Variants in FLI1 observed in about 807,000 individuals in gnomAD.
The protein encoded by FLI1 is Friend leukemia integration 1 transcription factor.
In FLI1, 13 loss-of-function variants were observed where a neutral mutation model predicts 53.1. The ratio of observed to expected loss-of-function variants is 0.24; its 90% CI spans 0.16 to 0.39. The LOEUF (loss-of-function observed/expected upper bound fraction) is 0.39, where lower values mean the gene tolerates loss of function less well. Among genes scored for constraint, FLI1 ranks in the 10% least tolerant of loss-of-function variants. The pLI is 1.00. For synonymous variants in FLI1, 244 were observed against 236.7 expected (o/e 1.03, Z -0.28); for missense variants, 424 against 600.5 (o/e 0.71, Z 3.07).
At chr11:128,770,020 T>G (rs644589) in intron 3 of FLI1, among the ~76,000 whole-genome samples, 116,731 of 152,104 alleles carry the variant, frequency 0.77, 45,594 homozygotes, top group Admixed American at 0.86. Flanking sequence ...GAAAGCTTGC[T>G]GGACTGAAGG....
chr11:128,776,008 G>C (rs1363000119), intron 4 of FLI1, among the ~76,000 whole-genome samples: 1 of 152,166 alleles, frequency 6.6e-6, no homozygotes, highest in Non-Finnish European at 1.5e-5. Flanking sequence ...AGAAAGTCTA[G>C]AAAAAGGAAA....
At chr11:128,744,101 G>A (rs1015898059) in intron 1 of FLI1, among the ~76,000 whole-genome samples, 8 of 152,310 alleles carry the variant, frequency 5.3e-5, no homozygotes, top group African/African-American at 1.7e-4. Context: ...ATTCCCTTTA[G>A]AAGGGAGAGC....
chr11:128,694,204 C>A lies in FLI1; in HGVS notation c.-55C>A. ...AATCCGAAGGGGCTGCGAGGTCAGG[C>A]TGTAACCGGGTCAATGTGTGGAATA... On this transcript the variant is annotated 5_prime_UTR_variant, in exon 1 of 9. In the 5' UTR this introduces an upstream ATG that the reference lacks. Transcript: ENST00000527786. 1 of 1,522,460 alleles carries A rather than the reference C, an allele frequency of 6.6e-7. No homozygotes were observed. The highest frequency in any genetic ancestry group is 8.8e-7 in the Non-Finnish European group (1 of 1,135,946). 94.3% of individuals were successfully genotyped at this position (1,522,460 alleles called of 1,614,324 possible). A position where few individuals can be genotyped will look rare whatever the true frequency, so the allele number is the denominator to read the frequency against.
At chr11:128,731,401 T>C (rs745415605) in intron 1 of FLI1, among the ~76,000 whole-genome samples, 2 of 151,892 alleles carry the variant, frequency 1.3e-5, no homozygotes, top group Non-Finnish European at 2.9e-5. Context: ...TGTGCTTGTC[T>C]AACGGTCTGC....
At chr11:128,724,303 A>T (rs1452054600) in intron 1 of FLI1, among the ~76,000 whole-genome samples, 2 of 152,122 alleles carry the variant, frequency 1.3e-5, no homozygotes. Context: ...AGGGAGAGGG[A>T]CCAGCACGGA....
intron 1 of FLI1, among the ~76,000 whole-genome samples, chr11:128,734,809 G>A (rs964006124): frequency 3.3e-5 from 5 of 152,074 alleles, no homozygotes; most frequent in Admixed American, 6.5e-5. Context: ...AAGTTCAAAC[G>A]GTAAATAACG....
intron 5 of FLI1, among the ~76,000 whole-genome samples, chr11:128,783,843 A>G (rs528713038): frequency 4.4e-4 from 67 of 152,248 alleles, no homozygotes; most frequent in Middle Eastern, 3.4e-3. Context: ...TGTTCTACAT[A>G]CTGAGTTTTA....
intron 1 of FLI1, among the ~76,000 whole-genome samples, chr11:128,748,491 G>T (rs1441395414): frequency 6.6e-6 from 1 of 152,108 alleles, no homozygotes; most frequent in African/African-American, 2.4e-5. Flanking sequence ...TAATTAGATG[G>T]GCGTGGTGGT....
At chr11:128,772,516 C>T (rs1289835016) in intron 3 of FLI1, among the ~76,000 whole-genome samples, 1 of 152,214 alleles carries the variant, frequency 6.6e-6, no homozygotes, top group African/African-American at 2.4e-5. Context: ...GGCAAAGGTT[C>T]CAACTGCTCT....
chr11:128,761,656 C>T (rs1941127392), intron 2 of FLI1, among the ~76,000 whole-genome samples: 1 of 152,128 alleles, frequency 6.6e-6, no homozygotes, highest in South Asian at 2.1e-4. Context: ...CCACTCCCTC[C>T]CCTGCTCTCA....
At chr11:128,791,722 T>C (rs1201580076) in intron 5 of FLI1, among the ~76,000 whole-genome samples, 1 of 152,202 alleles carries the variant, frequency 6.6e-6, no homozygotes, top group African/African-American at 2.4e-5. Flanking sequence ...AAATTTCCAT[T>C]GCATGGGACC....
Position 128,694,121 on chromosome 11 carries a change from G to C in FLI1, c.-138G>C. The C allele has an allele frequency of 1.3e-6, 1 of 794,956 alleles. No homozygotes were observed. Among genetic ancestry groups the C allele is most frequent in the Non-Finnish European group, 1.9e-6 (1 of 534,454 alleles). 49.2% of individuals were successfully genotyped at this position (794,956 alleles called of 1,614,324 possible). On this transcript the variant is annotated 5_prime_UTR_variant, in exon 1 of 9. Coordinates refer to ENST00000527786, the MANE Select transcript of FLI1 (RefSeq NM_002017.5). Reference sequence around the variant, plus strand: ...AACGTGCACAGGGGAGTGAGGGCAGGGCGCTCGCAGGGGGCACGCAGGGAG... The same window carrying C: ...AACGTGCACAGGGGAGTGAGGGCAGCGCGCTCGCAGGGGGCACGCAGGGAG...
Position 128,810,889 on chromosome 11 carries a change from A to G in FLI1, c.1260A>G (p.Ser420=). 6.2e-7 allele frequency: 1 copy of G among 1,613,990 alleles called. No individual in the cohort carries two copies. The highest frequency in any genetic ancestry group is 8.5e-7 in the Non-Finnish European group (1 of 1,179,882). Residue 420 remains serine, a synonymous_variant, in exon 9 of 9, where the codon TCA becomes TCG. Coordinates refer to ENST00000527786, the MANE Select transcript of FLI1 (RefSeq NM_002017.5). The surrounding 1 kb of genome is among the most constrained non-coding windows in gnomAD (Gnocchi z 6.6). The part of the protein sequence containing the change: ...VTSSSFFGAA[S]QYWTSPTGGI... Reference sequence around the variant, plus strand: ...CCTCCAGCTTCTTTGGAGCCGCATCACAATACTGGACCTCCCCCACGGGGG... The same window carrying G: ...CCTCCAGCTTCTTTGGAGCCGCATCGCAATACTGGACCTCCCCCACGGGGG...
At chr11:128,720,132 C>T (rs769644861) in intron 1 of FLI1, among the ~76,000 whole-genome samples, 3 of 152,258 alleles carry the variant, frequency 2.0e-5, no homozygotes, top group African/African-American at 7.2e-5. Flanking sequence ...AATATATAGA[C>T]ATATATGTAT....
chr11:128,686,291 C>A (rs915451270), upstream of FLI1: 1 of 455,136 alleles, frequency 2.2e-6, no homozygotes, highest in Non-Finnish European at 4.4e-6. Flanking sequence ...GTTTCCAGAA[C>A]AAGCTGCGGG....
intron 5 of FLI1, among the ~76,000 whole-genome samples, chr11:128,799,952 C>T (rs192690905): frequency 1.5e-4 from 23 of 152,300 alleles, no homozygotes; most frequent in African/African-American, 4.8e-4. Flanking sequence ...TACCAGTACA[C>T]GTCATAACCT....
chr11:128,780,526 C>T (rs1474602404), intron 4 of FLI1, among the ~76,000 whole-genome samples: 1 of 152,216 alleles, frequency 6.6e-6, no homozygotes, highest in Non-Finnish European at 1.5e-5. Context: ...ATCTGCGAGG[C>T]GGAGGTTGCA....
chr11:128,687,252 A>G (rs1257332397), intron 1 of FLI1, among the ~76,000 whole-genome samples: 1 of 149,782 alleles, frequency 6.7e-6, no homozygotes, highest in Non-Finnish European at 1.5e-5. Flanking sequence ...ATTTGACAGC[A>G]CATCGAAGGG....
intron 5 of FLI1, among the ~76,000 whole-genome samples, chr11:128,791,852 C>T (rs994726056): frequency 3.3e-5 from 5 of 152,168 alleles, no homozygotes; most frequent in African/African-American, 9.7e-5. Context: ...GCCCAACCAC[C>T]GCAGGATCCT....
Sources: gnomAD v4.1 joint callset for allele counts (sites outside exome capture counted in the v4.1 genomes callset) on GRCh38, gnomAD v4.1.1 for gene constraint, Gnocchi (gnomAD v3.1) non-coding constraint, MANE v1.5 for transcripts, NCBI Gene and HGNC (gene_info 2026-07-23, HGNC 2026-07-21) for gene names.